Variants in ARHGAP24 observed in about 807,000 individuals in gnomAD.
The protein encoded by ARHGAP24 is Rho GTPase activating protein 24.
Under a neutral mutation model 76.4 loss-of-function variants are expected in ARHGAP24, and 50 were observed. The observed-to-expected ratio is 0.65, with a 90% confidence interval of 0.52 to 0.83. ARHGAP24 has a LOEUF of 0.83. Among genes scored for constraint, ARHGAP24 ranks in the 40% least tolerant of loss-of-function variants. The probability of loss-of-function intolerance (pLI) is 0.00; values close to 1 mark genes in which losing one functional copy is unlikely to be tolerated. For synonymous variants in ARHGAP24, 345 were observed against 323.3 expected, an observed-to-expected ratio of 1.07 and a Z score of -0.72; for missense variants, 930 against 914.2, an observed-to-expected ratio of 1.02 and a Z score of -0.22.
At chr4:85,541,958 T>G (rs1725722718) in intron 1 of ARHGAP24, among the ~76,000 whole-genome samples, 1 of 152,228 alleles carries the variant, frequency 6.6e-6, no homozygotes, top group South Asian at 2.1e-4. Flanking sequence ...GTTTTATATA[T>G]GTATTCCTAT....
chr4:85,838,379 C>T (rs1578280642), intron 3 of ARHGAP24, among the ~76,000 whole-genome samples: 1 of 152,190 alleles, frequency 6.6e-6, no homozygotes. Context: ...GGGCAGATCA[C>T]GAGGTCAGGG....
intron 2 of ARHGAP24, among the ~76,000 whole-genome samples, chr4:85,688,300 T>G (rs1408759186): frequency 6.6e-6 from 1 of 152,248 alleles, no homozygotes; most frequent in Non-Finnish European, 1.5e-5. Context: ...ATTGTGGTTT[T>G]GATTTGCATT....
At chr4:85,680,914 CCTTT>C (rs1266871524) in intron 2 of ARHGAP24, among the ~76,000 whole-genome samples, 1 of 151,672 alleles carries the variant, frequency 6.6e-6, no homozygotes, top group African/African-American at 2.4e-5. Flanking sequence ...CAGTGATGAG[CCTTT>C]CTTTTTCATA....
At chr4:85,738,215 A>G (rs1725675206) in intron 3 of ARHGAP24, among the ~76,000 whole-genome samples, 1 of 151,986 alleles carries the variant, frequency 6.6e-6, no homozygotes, top group African/African-American at 2.4e-5. Flanking sequence ...TGGCCACTCT[A>G]TTGGGTAGGA....
rs143515293 is a variant in ARHGAP24, at chr4:85,884,398, G to A, written c.269-39250G>A. Among the ~76,000 whole-genome samples, 1,052 of 152,236 alleles carry A rather than the reference G, an allele frequency of 6.9e-3. 9 individuals carry two copies. Among genetic ancestry groups the A allele is most frequent in the Middle Eastern group, 0.014 (4 of 294 alleles). ...CCTGTCTTTTAATCTTCTCATTGTC[G>A]AGCCCTTTGTTGTGAGGGGACAAGG... is the stretch of plus-strand genomic sequence containing the variant. On this transcript the variant is annotated intron_variant, in intron 3 of 9. Transcript: ENST00000395184.
intron 1 of ARHGAP24, among the ~76,000 whole-genome samples, chr4:85,505,451 C>T (rs1429166963): frequency 6.6e-6 from 1 of 152,142 alleles, no homozygotes; most frequent in Admixed American, 6.5e-5. Context: ...AACTTGTCTT[C>T]TCACTTTATT....
At chr4:85,556,057 G>C (rs575649811) in intron 1 of ARHGAP24, among the ~76,000 whole-genome samples, 2 of 152,188 alleles carry the variant, frequency 1.3e-5, no homozygotes, top group African/African-American at 4.8e-5. Flanking sequence ...GAAACACAGA[G>C]CAACTGCTAC....
Position 85,864,807 on chromosome 4 carries a change from G to T in ARHGAP24, c.269-58841G>T, listed in dbSNP as rs574064997. On this transcript the variant is annotated intron_variant, in intron 3 of 9. Coordinates refer to ENST00000395184, the MANE Select transcript of ARHGAP24 (RefSeq NM_001025616.3). ...CAGTTAGGGAGAGGGAATTTATGCAGTTTTTGTATTTGTTTGATTTTTCTT... is the reference window on the plus strand; with the variant it reads ...CAGTTAGGGAGAGGGAATTTATGCATTTTTTGTATTTGTTTGATTTTTCTT... 7.2e-5 allele frequency among the ~76,000 whole-genome samples: 11 copies of T among 152,162 alleles called. No individual in the cohort carries two copies. The South Asian group carries it at 2.1e-3, about 29-fold the overall frequency.
chr4:85,694,765 C>T (rs377756081), intron 2 of ARHGAP24, among the ~76,000 whole-genome samples: 6 of 152,068 alleles, frequency 3.9e-5, no homozygotes, highest in African/African-American at 1.4e-4. Flanking sequence ...TTTCAGGCTA[C>T]AAAGAGTATG....
chr4:85,523,004 C>G (rs1724847976), intron 1 of ARHGAP24, among the ~76,000 whole-genome samples: 1 of 152,154 alleles, frequency 6.6e-6, no homozygotes, highest in Non-Finnish European at 1.5e-5. Context: ...GCCAGACCAG[C>G]TGGTCATTCG....
intron 2 of ARHGAP24, among the ~76,000 whole-genome samples, chr4:85,703,451 C>A (rs1724176574): frequency 6.6e-6 from 1 of 152,096 alleles, no homozygotes; most frequent in African/African-American, 2.4e-5. Flanking sequence ...GTGTCCCCTA[C>A]TTCATTAACA....
chr4:85,644,550 A>G (rs1721650100), intron 2 of ARHGAP24, among the ~76,000 whole-genome samples: 1 of 152,114 alleles, frequency 6.6e-6, no homozygotes, highest in South Asian at 2.1e-4. Flanking sequence ...TCTATAGAAA[A>G]TTTATTCTTA....
At chr4:85,990,755 A>T (rs1740273549) in intron 8 of ARHGAP24, 1 of 151,978 alleles carries the variant, frequency 6.6e-6, no homozygotes, top group African/African-American at 2.4e-5. Context: ...CTTGCCTCAC[A>T]TCACATACAA....
chr4:85,931,716 G>A (rs1736344692), intron 4 of ARHGAP24, among the ~76,000 whole-genome samples: 1 of 152,088 alleles, frequency 6.6e-6, no homozygotes, highest in African/African-American at 2.4e-5. Flanking sequence ...TATTTGGGGG[G>A]AGTTAGAGAA....
chr4:85,480,705 A>G (rs978715600), intron 1 of ARHGAP24, among the ~76,000 whole-genome samples: 2 of 152,102 alleles, frequency 1.3e-5, no homozygotes, highest in Non-Finnish European at 2.9e-5. Context: ...TGATAGATAA[A>G]ATGACCTTTC....
chr4:85,617,877 A>C (rs1247474021), intron 2 of ARHGAP24, among the ~76,000 whole-genome samples: 1 of 152,114 alleles, frequency 6.6e-6, no homozygotes, highest in Non-Finnish European at 1.5e-5. Context: ...AAAATTCTAT[A>C]TTTTATACTT....
intron 2 of ARHGAP24, among the ~76,000 whole-genome samples, chr4:85,584,641 G>A (rs529396195): frequency 1.1e-4 from 16 of 151,982 alleles, no homozygotes; most frequent in Admixed American, 5.2e-4. Flanking sequence ...TTGGCAAAAC[G>A]AGGCATACAG....
intron 5 of ARHGAP24, among the ~76,000 whole-genome samples, chr4:85,945,689 G>A (rs796952291): frequency 5.3e-5 from 8 of 150,842 alleles, no homozygotes; most frequent in African/African-American, 2.0e-4. Context: ...GAACCCGGGA[G>A]GCAGAGGTTG....
At chr4:85,771,620 A>G (rs1727132438) in intron 3 of ARHGAP24, among the ~76,000 whole-genome samples, 1 of 152,244 alleles carries the variant, frequency 6.6e-6, no homozygotes, top group African/African-American at 2.4e-5. Context: ...ATAATTAACC[A>G]TCACAGCCCA....
Sources: gnomAD v4.1 joint callset for allele counts (sites outside exome capture counted in the v4.1 genomes callset) on GRCh38, gnomAD v4.1.1 for gene constraint, MANE v1.5 for transcripts, NCBI Gene and HGNC (gene_info 2026-07-23, HGNC 2026-07-21) for gene names.